LRRC4C: variants seen among roughly 807,000 people sequenced by gnomAD.
LRRC4C encodes the protein leucine-rich repeat-containing protein 4C.
LRRC4C carries 5 observed loss-of-function variants against 33.6 expected under a neutral mutation model. That is an observed-to-expected ratio of 0.15 (90% CI 0.08 to 0.31). The LOEUF (loss-of-function observed/expected upper bound fraction) is 0.31. Ranked by LOEUF, LRRC4C falls within the 10% of genes least tolerant of loss-of-function variation. LRRC4C has a pLI of 1.00. For missense variants in LRRC4C, 560 were observed against 796.7 expected (o/e 0.70, Z 3.58); for synonymous variants, 329 against 302.0 (o/e 1.09, Z -0.93).
At chr11:41,220,034 C>T (rs1051052824) in intron 1 of LRRC4C, among the ~76,000 whole-genome samples, 3 of 152,014 alleles carry the variant, frequency 2.0e-5, no homozygotes, top group African/African-American at 4.8e-5. Context: ...TAGTAGGGAG[C>T]CCCTTGAAGA....
At chr11:41,194,383 G>T (rs907726683) in intron 1 of LRRC4C, among the ~76,000 whole-genome samples, 2 of 152,062 alleles carry the variant, frequency 1.3e-5, no homozygotes, top group Non-Finnish European at 2.9e-5. Flanking sequence ...ACTCATGATT[G>T]TCTCCTGGTA....
intron 1 of LRRC4C, among the ~76,000 whole-genome samples, chr11:41,431,882 G>T (rs1955249526): frequency 6.6e-6 from 1 of 152,108 alleles, no homozygotes; most frequent in Non-Finnish European, 1.5e-5. Flanking sequence ...TTAGGTTTTT[G>T]TGGTGGGCCA....
chr11:41,317,745 T>C (rs1432074030), intron 1 of LRRC4C, among the ~76,000 whole-genome samples: 1 of 152,138 alleles, frequency 6.6e-6, no homozygotes, highest in Non-Finnish European at 1.5e-5. Flanking sequence ...GGATTTTTCC[T>C]CTAATTTTTA....
chr11:41,130,327 CTTA>C (rs1236179496), intron 1 of LRRC4C, among the ~76,000 whole-genome samples: 6 of 151,846 alleles, frequency 4.0e-5, no homozygotes, highest in Non-Finnish European at 7.4e-5. Flanking sequence ...TATTACTTGT[CTTA>C]TTTTATCAAA....
At chr11:40,213,058 T>C (rs1863720685) in intron 5 of LRRC4C, among the ~76,000 whole-genome samples, 1 of 152,150 alleles carries the variant, frequency 6.6e-6, no homozygotes, top group African/African-American at 2.4e-5. Flanking sequence ...TCTTGTCCTG[T>C]CCTTTTAACA....
At chr11:40,891,944 G>T (rs1279826771) in intron 2 of LRRC4C, among the ~76,000 whole-genome samples, 1 of 151,846 alleles carries the variant, frequency 6.6e-6, no homozygotes, top group Admixed American at 6.6e-5. Flanking sequence ...GACCATCCTG[G>T]CTAACATGGT....
intron 1 of LRRC4C, among the ~76,000 whole-genome samples, chr11:40,940,201 A>C (rs959581013): frequency 2.6e-4 from 39 of 152,162 alleles, no homozygotes; most frequent in African/African-American, 9.4e-4. Flanking sequence ...TAGTGATAGT[A>C]CCTAACTAAT....
chr11:40,832,749 A>G (rs1364580848), intron 2 of LRRC4C, among the ~76,000 whole-genome samples: 2 of 152,204 alleles, frequency 1.3e-5, no homozygotes, highest in African/African-American at 2.4e-5. Flanking sequence ...TTTTGGAACT[A>G]TCAAATAAAC....
At chr11:40,806,768 C>T (rs1301579072) in intron 2 of LRRC4C, among the ~76,000 whole-genome samples, 1 of 152,140 alleles carries the variant, frequency 6.6e-6, no homozygotes, top group Non-Finnish European at 1.5e-5. Context: ...CATCTGCTTA[C>T]TACATCTACT....
chr11:40,133,445 A>G (rs961239454), intron 6 of LRRC4C, among the ~76,000 whole-genome samples: 1 of 152,208 alleles, frequency 6.6e-6, no homozygotes, highest in Non-Finnish European at 1.5e-5. Context: ...AACCAAAAAC[A>G]TATTTATAAC....
At chr11:41,410,510 A>G (rs1954429324) in intron 1 of LRRC4C, among the ~76,000 whole-genome samples, 1 of 148,916 alleles carries the variant, frequency 6.7e-6, no homozygotes, top group Non-Finnish European at 1.5e-5. Context: ...TTCGGATCTC[A>G]GCTCACTGCA....
chr11:40,875,736 A>T (rs2135974222), intron 2 of LRRC4C, among the ~76,000 whole-genome samples: 1 of 152,244 alleles, frequency 6.6e-6, no homozygotes, highest in South Asian at 2.1e-4. Flanking sequence ...GTTTCATGGA[A>T]GACAATTTTT....
chr11:40,114,677 A>G lies in LRRC4C; in HGVS notation c.1616T>C (p.Met539Thr). 2 of 1,614,178 alleles carry G rather than the reference A, an allele frequency of 1.2e-6. No homozygotes were observed. The highest frequency in any genetic ancestry group is 1.3e-5 in the African/African-American group (1 of 75,030). Residue 539 changes from methionine to threonine, a missense_variant, in exon 7 of 7, where the codon ATG becomes ACG. Met to Thr is a moderately conservative substitution (Grantham distance 81). Transcript: ENST00000528697. ...IIGCFVAITL[M>T]AAVMLVIFYK... ...GAAAATGACCAGCATCACTGCAGCC[A>G]TGAGTGTGATGGCCACAAAACACCC...
intron 2 of LRRC4C, among the ~76,000 whole-genome samples, chr11:40,791,100 A>T (rs1010880262): frequency 1.3e-5 from 2 of 152,272 alleles, no homozygotes; most frequent in Non-Finnish European, 2.9e-5. Flanking sequence ...GATAAGGATT[A>T]TTTAAAGCTC....
At chr11:40,222,212 T>C (rs547662863) in intron 5 of LRRC4C, among the ~76,000 whole-genome samples, 5 of 152,244 alleles carry the variant, frequency 3.3e-5, no homozygotes, top group Admixed American at 3.3e-4. Flanking sequence ...ACTCAGGAGT[T>C]CTAATTTCAG....
chr11:40,749,667 G>C (rs1948591310), intron 2 of LRRC4C, among the ~76,000 whole-genome samples: 1 of 148,938 alleles, frequency 6.7e-6, no homozygotes, highest in African/African-American at 2.5e-5. Flanking sequence ...AAAGGAAAAA[G>C]GATCAATGAA....
At chr11:41,361,071 C>A (rs1053635487) in intron 1 of LRRC4C, among the ~76,000 whole-genome samples, 2 of 152,138 alleles carry the variant, frequency 1.3e-5, no homozygotes, top group African/African-American at 4.8e-5. Context: ...AATTACCAGG[C>A]AGTTTTCCAG....
intron 2 of LRRC4C, among the ~76,000 whole-genome samples, chr11:40,873,950 T>C (rs1167216787): frequency 6.6e-6 from 1 of 152,220 alleles, no homozygotes; most frequent in Non-Finnish European, 1.5e-5. Context: ...ATCCAGTCTT[T>C]GTACCATTGA....
intron 3 of LRRC4C, among the ~76,000 whole-genome samples, chr11:40,415,956 T>C (rs1281999169): frequency 6.6e-6 from 1 of 152,212 alleles, no homozygotes; most frequent in Non-Finnish European, 1.5e-5. Context: ...TTTTTGCACG[T>C]GTTAAATGCT....
Sources: gnomAD v4.1 joint callset for allele counts (sites outside exome capture counted in the v4.1 genomes callset) on GRCh38, gnomAD v4.1.1 for gene constraint, MANE v1.5 for transcripts, NCBI Gene and HGNC (gene_info 2026-07-23, HGNC 2026-07-21) for gene names.